The following PKHD1L1 variants were observed in gnomAD, a reference collection of about 807,000 sequenced individuals.
PKHD1L1 encodes PKHD1 like 1.
PKHD1L1 carries 434 observed loss-of-function variants against 462.9 expected under a neutral mutation model. That is an observed-to-expected ratio of 0.94 (90% confidence interval 0.87 to 1.02). The LOEUF is 1.02. Among genes scored for constraint, PKHD1L1 ranks in the 50% least tolerant of loss-of-function variants. The pLI is 0.00. For missense variants in PKHD1L1, 5,202 were observed against 5,096.1 expected (o/e 1.02, Z -0.63); for synonymous variants, 1,781 against 1,750.0 (o/e 1.02, Z -0.44).
At chr8:109,527,088 T>G in intron 77 of PKHD1L1, 68 bp downstream of exon 77, 2 of 1,310,776 alleles carry the variant, frequency 1.5e-6, no homozygotes, top group Non-Finnish European at 2.1e-6. Context: ...GGATAAAGGC[T>G]GTGTGCACAG....
intron 71 of PKHD1L1, among the ~76,000 whole-genome samples, chr8:109,513,658 A>G (rs974967313): frequency 6.6e-6 from 1 of 152,050 alleles, no homozygotes; most frequent in African/African-American, 2.4e-5. Flanking sequence ...GGAGTAAAGA[A>G]AGGAGGCACC....
At position 109,533,307 on chromosome 8, in the gene PKHD1L1, A is replaced by G. The variant is rs779195920; in HGVS notation, c.*3217A>G. 1.8e-4 allele frequency among the ~76,000 whole-genome samples: 28 copies of G among 152,252 alleles called. No individual in the cohort carries two copies. The highest frequency in any genetic ancestry group is 3.4e-4 in the Non-Finnish European group (23 of 68,052). ...CATCTGAAGACTGATGGTATCATAT[A>G]TATGACATGTAACACAGTGCCTAAC... On this transcript the variant is annotated 3_prime_UTR_variant, in exon 78 of 78. Transcript: ENST00000378402.
At chr8:109,523,000 C>A in intron 75 of PKHD1L1, 110 bp downstream of exon 75, 1 of 1,219,232 alleles carries the variant, frequency 8.2e-7, no homozygotes, top group South Asian at 1.6e-5. Context: ...GATCACACGG[C>A]CCTTTCAGAA....
chr8:109,375,701 G>A (rs1362673466), intron 2 of PKHD1L1, among the ~76,000 whole-genome samples: 1 of 152,150 alleles, frequency 6.6e-6, no homozygotes, highest in East Asian at 1.9e-4. Flanking sequence ...CTTTCTGTTT[G>A]TTAGTTTTCC....
At chr8:109,484,270 A>G (rs1818418405) in intron 57 of PKHD1L1, among the ~76,000 whole-genome samples, 1 of 151,904 alleles carries the variant, frequency 6.6e-6, no homozygotes, top group Non-Finnish European at 1.5e-5. Context: ...TATTTATCCA[A>G]TTAATACTGT....
chr8:109,433,979 G>A (rs1815253281), intron 28 of PKHD1L1, among the ~76,000 whole-genome samples: 1 of 152,084 alleles, frequency 6.6e-6, no homozygotes, highest in Non-Finnish European at 1.5e-5. Flanking sequence ...GGATGAAGCT[G>A]GAAACCATCA....
chr8:109,448,589 G>C (rs1217436993), intron 39 of PKHD1L1, among the ~76,000 whole-genome samples, 198 bp downstream of exon 39: 1 of 150,056 alleles, frequency 6.7e-6, no homozygotes, highest in Admixed American at 6.7e-5. Context: ...TTGGCTCATT[G>C]CAAGCTCTGC....
chr8:109,429,548 G>A, intron 26 of PKHD1L1, 86 bp downstream of exon 26: 6 of 1,256,086 alleles, frequency 4.8e-6, no homozygotes, highest in East Asian at 2.6e-5. Flanking sequence ...GGTGAAACAG[G>A]AGGTTTGACT....
intron 17 of PKHD1L1, among the ~76,000 whole-genome samples, chr8:109,407,490 C>A (rs1325223022): frequency 6.6e-6 from 1 of 152,016 alleles, no homozygotes; most frequent in Non-Finnish European, 1.5e-5. Flanking sequence ...AATGAGATTC[C>A]ACTGGTAGAG....
At position 109,404,988 on chromosome 8, in the gene PKHD1L1, A is replaced by C. The variant is rs1169462927; in HGVS notation, c.1534-7A>C. The C allele has an allele frequency of 6.9e-7, 1 of 1,457,928 alleles. No individual in the cohort carries two copies. Among genetic ancestry groups the C allele is most frequent in the Admixed American group, 2.6e-5 (1 of 38,098 alleles). The allele number at this position is 1,457,928 out of a possible 1,614,324, so 90.3% of individuals were successfully genotyped here. A position where few individuals can be genotyped will look rare whatever the true frequency, so the allele number is the denominator to read the frequency against. On this transcript the variant is annotated splice_region_variant and splice_polypyrimidine_tract_variant and intron_variant, in intron 15 of 77. Coordinates refer to ENST00000378402, the MANE Select transcript of PKHD1L1 (RefSeq NM_177531.6). ...TATATTAAAAATGTTTCTTAATTGG[A>C]AAATAGGTTATAACATTGGAAAACT...
chr8:109,424,681 C>T (rs937442515), intron 23 of PKHD1L1, among the ~76,000 whole-genome samples: 6 of 152,150 alleles, frequency 3.9e-5, no homozygotes, highest in African/African-American at 1.4e-4. Flanking sequence ...CTTTTCAAGA[C>T]TCCATGTACT....
At chr8:109,398,572 G>T in intron 12 of PKHD1L1, 24 bp downstream of exon 12, 3 of 1,204,130 alleles carry the variant, frequency 2.5e-6, no homozygotes, top group Non-Finnish European at 3.5e-6. Context: ...AGGGACAATG[G>T]CCATTTCTAT....
chr8:109,386,061 A>G (rs1372055868), intron 6 of PKHD1L1, among the ~76,000 whole-genome samples: 1 of 152,168 alleles, frequency 6.6e-6, no homozygotes, highest in East Asian at 1.9e-4. Flanking sequence ...GTTTTGACAC[A>G]TTTTCTACTG....
chr8:109,468,791 G>A (rs952277127), intron 50 of PKHD1L1, among the ~76,000 whole-genome samples: 1 of 152,134 alleles, frequency 6.6e-6, no homozygotes, highest in Non-Finnish European at 1.5e-5. Flanking sequence ...AATATGGAAG[G>A]TCTGGTTATT....
At chr8:109,522,961 C>T in intron 75 of PKHD1L1, 71 bp downstream of exon 75, 4 of 1,433,064 alleles carry the variant, frequency 2.8e-6, no homozygotes, top group Non-Finnish European at 3.7e-6. Flanking sequence ...GAGCCAGTTT[C>T]ACTCATCCTG....
chr8:109,384,211 C>A, intron 5 of PKHD1L1, 84 bp downstream of exon 5: 1 of 1,071,968 alleles, frequency 9.3e-7, no homozygotes, highest in South Asian at 1.4e-5. Context: ...TAGTATAATT[C>A]CTGCAATTTT....
In PKHD1L1 at chr8:109,410,726, C is replaced by CTTTTTTTT. The variant is rs71303459; in HGVS notation, c.2085+762_2085+769dup. Among the ~76,000 whole-genome samples the CTTTTTTTT allele has an allele frequency of 1.1e-3, 72 of 68,382 alleles. 3 individuals are homozygous for CTTTTTTTT. Among genetic ancestry groups the CTTTTTTTT allele is most frequent in the African/African-American group, 2.5e-3 (31 of 12,268 alleles). 44.9% of individuals were successfully genotyped at this position (68,382 alleles called of 152,430 possible). A position where few individuals can be genotyped will look rare whatever the true frequency, so the allele number is the denominator to read the frequency against. On this transcript the variant is annotated intron_variant, in intron 19 of 77. Transcript: ENST00000378402. ...TTCTTTTTTCTTTTCTTTTCTTTTT[C>CTTTTTTTT]TTTTTTTTTTTTTTTTTTTTTGAGA...
rs755897833 is a variant in PKHD1L1 at position 109,442,169 on chromosome 8, C to T, written c.4367C>T (p.Thr1456Ile). ...GTAATTTATGATGGCAAAGGATTCA[C>T]AAGTGGAAGACAAAAATCTACATCA... ...GSVIYDGKGF[T>I]SGRQKSTSGS... The change falls in exon 35 of 78, where the codon ACA becomes ATA. Residue 1456 changes from threonine (T) to isoleucine (I), a missense_variant. By Grantham distance (89) the Thr-to-Ile change is moderately conservative. This residue lies in a region of PKHD1L1 where 4,497 missense variants were observed against 4,336.8 expected (regional missense o/e 1.04). Coordinates refer to ENST00000378402, the MANE Select transcript of PKHD1L1 (RefSeq NM_177531.6). 12 of 1,611,870 alleles carry T rather than the reference C, an allele frequency of 7.4e-6. No homozygotes were observed. Among genetic ancestry groups the T allele is most frequent in the Admixed American group, 6.7e-5 (4 of 59,726 alleles).
chr8:109,441,365 A>G lies in PKHD1L1; in HGVS notation c.4190A>G (p.Asn1397Ser), dbSNP rs751224669. The G allele has an allele frequency of 1.3e-6, 2 of 1,552,886 alleles. No homozygotes were observed. Among genetic ancestry groups the G allele is most frequent in the South Asian group, 2.4e-5 (2 of 85,062 alleles). ...STGNIFRITN[N>S]GKDSVHGLGY... is the part of the protein sequence containing the mutation. ...GGGAATATATTCAGGATTACCAACA[A>G]TGGGAAAGATTCAGGTATCAGCCAT... The change falls in exon 34 of 78, where the codon AAT becomes AGT. Residue 1397 changes from asparagine to serine, a missense_variant. Transcript: ENST00000378402.
Sources: allele counts gnomAD v4.1 joint callset (sites outside exome capture counted in the v4.1 genomes callset), GRCh38; gene constraint gnomAD v4.1.1; regional missense constraint gnomAD v4.1.1; transcripts MANE v1.5; gene names NCBI Gene and HGNC (gene_info 2026-07-23, HGNC 2026-07-21).